The following EYA1 variants were observed in gnomAD, a reference collection of about 807,000 sequenced individuals.
EYA1 encodes the protein EYA transcriptional coactivator and phosphatase 1.
In EYA1, 16 loss-of-function variants were observed where a neutral mutation model predicts 82.0. The ratio of observed to expected loss-of-function variants is 0.20; its 90% CI spans 0.13 to 0.30. The LOEUF is 0.30. EYA1 is among the 10% of genes least tolerant of loss of function. The probability of loss-of-function intolerance (pLI) is 1.00; values close to 1 mark genes in which losing one functional copy is unlikely to be tolerated. For synonymous variants in EYA1, 261 were observed against 264.4 expected (o/e 0.99, Z 0.12); for missense variants, 633 against 730.7 (o/e 0.87, Z 1.54).
intron 2 of EYA1, among the ~76,000 whole-genome samples, chr8:71,423,666 A>G (rs13276512): frequency 0.51 from 77,320 of 152,046 alleles, 20,570 homozygotes; most frequent in Middle Eastern, 0.63. Flanking sequence ...TCTTTAATTA[A>G]TTTCATTTAA....
intron 2 of EYA1, among the ~76,000 whole-genome samples, 156 bp downstream of exon 2, chr8:71,356,306 T>C (rs910327339): frequency 2.6e-5 from 4 of 152,138 alleles, no homozygotes; most frequent in Admixed American, 2.6e-4. Context: ...TCTACATACT[T>C]AAAATGTTTT....
At chr8:71,347,312 T>TTTTATTTA (rs151215046) in intron 3 of EYA1, among the ~76,000 whole-genome samples, 24 of 151,810 alleles carry the variant, frequency 1.6e-4, no homozygotes, top group Middle Eastern at 3.4e-3. Flanking sequence ...CTAAAGATTG[T>TTTTATTTA]TTTATTTATT....
At chr8:71,418,318 AT>A (rs1197811111) in intron 2 of EYA1, among the ~76,000 whole-genome samples, 1 of 152,212 alleles carries the variant, frequency 6.6e-6, no homozygotes, top group African/African-American at 2.4e-5. Flanking sequence ...CTCTTAAAAA[AT>A]GAGAAGATGT....
chr8:71,458,749 C>A (rs1287962758), intron 2 of EYA1, among the ~76,000 whole-genome samples: 1 of 152,106 alleles, frequency 6.6e-6, no homozygotes, highest in Non-Finnish European at 1.5e-5. Flanking sequence ...ATCAGGCTTA[C>A]AGGAAGAGCT....
chr8:71,353,355 AAATCCACTTAC>A (rs1434313450), intron 3 of EYA1, among the ~76,000 whole-genome samples: 22 of 152,226 alleles, frequency 1.4e-4, no homozygotes, highest in Admixed American at 5.2e-4. Context: ...TTGCTCTATA[AAATCCACTTAC>A]ACACTAGAAC....
chr8:71,334,374 T>C (rs1268678112), intron 3 of EYA1, 200 bp from the exon 4 acceptor site: 5 of 641,442 alleles, frequency 7.8e-6, no homozygotes, highest in Admixed American at 7.2e-5. Flanking sequence ...GGAAACAATC[T>C]ATTGTCACAA....
intron 2 of EYA1, among the ~76,000 whole-genome samples, chr8:71,436,467 G>A (rs745787094): frequency 1.6e-4 from 25 of 152,088 alleles, no homozygotes; most frequent in Non-Finnish European, 2.8e-4. Flanking sequence ...ATCAGGAGAG[G>A]CTGCACACAA....
chr8:71,399,714 C>T (rs1195155363), intron 2 of EYA1, among the ~76,000 whole-genome samples: 1 of 152,062 alleles, frequency 6.6e-6, no homozygotes, highest in Non-Finnish European at 1.5e-5. Flanking sequence ...ATGGCCATAC[C>T]ATACTGCTCA....
chr8:71,275,234 T>A (rs1817027581), intron 9 of EYA1, among the ~76,000 whole-genome samples: 1 of 152,038 alleles, frequency 6.6e-6, no homozygotes, highest in African/African-American at 2.4e-5. Context: ...GGAGGTAAAA[T>A]CAATAACTAA....
At chr8:71,532,195 C>A (rs983885315) in intron 2 of EYA1, among the ~76,000 whole-genome samples, 1 of 152,122 alleles carries the variant, frequency 6.6e-6, no homozygotes, top group Non-Finnish European at 1.5e-5. Flanking sequence ...GTGGCAGCAC[C>A]AAGATGAAGA....
intron 2 of EYA1, among the ~76,000 whole-genome samples, chr8:71,459,026 A>T (rs982873611): frequency 1.3e-5 from 2 of 151,968 alleles, no homozygotes; most frequent in Non-Finnish European, 2.9e-5. Flanking sequence ...GAGGGAAGGG[A>T]GGTTGGGAAG....
At chr8:71,363,225 C>G (rs989783253), upstream of EYA1, among the ~76,000 whole-genome samples, 1 of 152,058 alleles carries the variant, frequency 6.6e-6, no homozygotes, top group African/African-American at 2.4e-5. Flanking sequence ...TTTTGCATGA[C>G]TTTATAATAC....
intron 7 of EYA1, among the ~76,000 whole-genome samples, chr8:71,313,014 G>A (rs1464282188): frequency 6.6e-6 from 1 of 152,038 alleles, no homozygotes; most frequent in Non-Finnish European, 1.5e-5. Context: ...TGACTGCAGG[G>A]CCCATGACCA....
At chr8:71,274,789 G>C (rs1021738714) in intron 9 of EYA1, among the ~76,000 whole-genome samples, 7 of 152,168 alleles carry the variant, frequency 4.6e-5, no homozygotes, top group African/African-American at 1.7e-4. Flanking sequence ...CCTGAAGACA[G>C]AGGACAAATG....
At chr8:71,471,756 G>A (rs1809227308) in intron 2 of EYA1, among the ~76,000 whole-genome samples, 1 of 152,110 alleles carries the variant, frequency 6.6e-6, no homozygotes, top group Non-Finnish European at 1.5e-5. Flanking sequence ...TGTCAGGGAA[G>A]GATGGGAGAA....
At chr8:71,240,583 C>T (rs1460828042) in intron 12 of EYA1, among the ~76,000 whole-genome samples, 1 of 152,148 alleles carries the variant, frequency 6.6e-6, no homozygotes, top group Non-Finnish European at 1.5e-5. Context: ...TAACGGGTGA[C>T]CCGAGACCAG....
chr8:71,341,479 T>A (rs1825120151), intron 3 of EYA1, among the ~76,000 whole-genome samples: 1 of 152,162 alleles, frequency 6.6e-6, no homozygotes, highest in South Asian at 2.1e-4. Context: ...TTGCATAAAG[T>A]ACGAAAGTGG....
intron 2 of EYA1, chr8:71,529,689 T>A (rs1814107032): frequency 1.3e-5 from 2 of 151,456 alleles, no homozygotes; most frequent in African/African-American, 4.9e-5. Flanking sequence ...GTCAGAGGTT[T>A]TCTTCCTACA....
rs576266845 is a variant in EYA1 at position 71,299,105 on chromosome 8, G to A, written c.768C>T (p.Tyr256=). Residue 256 remains tyrosine (Y), a synonymous_variant, in exon 9 of 18, where the codon TAC becomes TAT. Transcript: ENST00000340726. The part of the protein sequence containing the change: ...SPTTPSTNAT[Y]QLQEPPSGIT... Reference sequence around the variant, plus strand: ...TGCCAGATGGCGGTTCTTGAAGCTGGTAAGTGGCATTGGTGGATGGTGTCG... The same window carrying A: ...TGCCAGATGGCGGTTCTTGAAGCTGATAAGTGGCATTGGTGGATGGTGTCG... 7 of 1,614,146 alleles carry A rather than the reference G, an allele frequency of 4.3e-6. No homozygotes were observed. In the South Asian group the frequency reaches 5.5e-5, roughly 13 times the overall value.
Sources: gnomAD v4.1 joint callset for allele counts (sites outside exome capture counted in the v4.1 genomes callset) on GRCh38, gnomAD v4.1.1 for gene constraint, MANE v1.5 for transcripts, NCBI Gene and HGNC (gene_info 2026-07-23, HGNC 2026-07-21) for gene names.